The following MMP26 variants were observed in gnomAD, a reference collection of about 807,000 sequenced individuals.
MMP26 encodes the protein matrix metallopeptidase 26.
A neutral mutation model predicts 31.0 loss-of-function variants in MMP26; 33 were observed. That is an observed-to-expected ratio of 1.06 (90% CI 0.81 to 1.42). The LOEUF (loss-of-function observed/expected upper bound fraction) is 1.42, where lower values mean the gene tolerates loss of function less well. Ranked by LOEUF, MMP26 falls within the 40% of genes most tolerant of loss-of-function variation. MMP26 has a pLI of 0.00. For synonymous variants in MMP26, 122 were observed against 114.9 expected (o/e 1.06, Z -0.40); for missense variants, 347 against 316.1 (o/e 1.10, Z -0.74).
chr11:4,855,186 C>T (rs1850032543), intron 2 of MMP26, among the ~76,000 whole-genome samples: 1 of 152,174 alleles, frequency 6.6e-6, no homozygotes, highest in African/African-American at 2.4e-5. Context: ...CAGCTCCTCA[C>T]CAGCAGTACA....
chr11:4,826,613 G>T lies in MMP26; in HGVS notation c.-145+59272G>T, dbSNP rs536252494. ...AAAAATCATGATTTGTAGGAGTCTG[G>T]TTGGCAAACCACAATAAAACCAGGA... On this transcript the variant is annotated intron_variant, in intron 2 of 7. Coordinates refer to ENST00000380390, the MANE Select transcript of MMP26 (RefSeq NM_021801.5). 1.6e-4 allele frequency among the ~76,000 whole-genome samples: 24 copies of T among 152,180 alleles called. No homozygotes were observed. In the East Asian group the frequency reaches 3.9e-3, roughly 25 times the overall value.
chr11:4,748,752 G>GA (rs201537557), intron 1 of MMP26, among the ~76,000 whole-genome samples: 245 of 151,766 alleles, frequency 1.6e-3, no homozygotes, highest in Non-Finnish European at 3.1e-3. Flanking sequence ...ATGAGTTCGT[G>GA]AAAAAAACCC....
intron 2 of MMP26, among the ~76,000 whole-genome samples, chr11:4,779,326 CTTTAT>C (rs1848828993): frequency 6.6e-6 from 1 of 151,882 alleles, no homozygotes; most frequent in South Asian, 2.1e-4. Context: ...TAGTTTTTCT[CTTTAT>C]TTTATTAATG....
chr11:4,769,362 C>T (rs1473683587), intron 2 of MMP26: 3 of 1,613,952 alleles, frequency 1.9e-6, no homozygotes, highest in Middle Eastern at 1.6e-4. Flanking sequence ...AATTGAATCA[C>T]ATCTGGATGG....
At chr11:4,779,825 A>AGT (rs1189790299) in intron 2 of MMP26, among the ~76,000 whole-genome samples, 1 of 152,122 alleles carries the variant, frequency 6.6e-6, no homozygotes, top group Non-Finnish European at 1.5e-5. Flanking sequence ...CTTAAGACAC[A>AGT]GAGCATTACT....
At chr11:4,874,418 C>G (rs980254439) in intron 2 of MMP26, among the ~76,000 whole-genome samples, 20 of 151,974 alleles carry the variant, frequency 1.3e-4, no homozygotes, top group Non-Finnish European at 2.9e-5. Context: ...TTGCTCCTTT[C>G]TATGACCAAG....
At chr11:4,918,064 C>G (rs541910040) in intron 2 of MMP26, among the ~76,000 whole-genome samples, 8 of 151,824 alleles carry the variant, frequency 5.3e-5, no homozygotes, top group Non-Finnish European at 8.8e-5. Context: ...AGGGACATTC[C>G]AAAAATCACC....
intron 2 of MMP26, among the ~76,000 whole-genome samples, chr11:4,851,550 T>C (rs1175985037): frequency 6.6e-6 from 1 of 152,148 alleles, no homozygotes; most frequent in Non-Finnish European, 1.5e-5. Flanking sequence ...TAATTTTCCC[T>C]AAATTTCCTT....
At chr11:4,783,326 A>G (rs1848890925) in intron 2 of MMP26, among the ~76,000 whole-genome samples, 1 of 152,186 alleles carries the variant, frequency 6.6e-6, no homozygotes, top group Non-Finnish European at 1.5e-5. Context: ...TTGGAGATTT[A>G]AGATTTGAAT....
chr11:4,791,282 C>G (rs896250365), intron 2 of MMP26, among the ~76,000 whole-genome samples: 1 of 152,194 alleles, frequency 6.6e-6, no homozygotes, highest in South Asian at 2.1e-4. Flanking sequence ...GGCAGCTGGG[C>G]TCATTCTTTG....
rs201054695 is a variant in MMP26 at position 4,954,053 on chromosome 11, C to CA, written c.-144-34007dup. Among the ~76,000 whole-genome samples, 3 of 124,966 alleles carry CA rather than the reference C, an allele frequency of 2.4e-5. 1 individual carries two copies. Among genetic ancestry groups the CA allele is most frequent in the Non-Finnish European group, 5.4e-5 (3 of 55,164 alleles). 82.0% of individuals were successfully genotyped at this position (124,966 alleles called of 152,430 possible). On this transcript the variant is annotated intron_variant, in intron 2 of 7. Transcript: ENST00000380390. ...TGGGCTACAGAGCAAGATTTCGTCT[C>CA]AAAAAAAATTTCTTTATTGATTTAA...
Position 4,907,095 on chromosome 11 carries a change from T to TAA in MMP26, c.-144-80954_-144-80953dup, listed in dbSNP as rs3065178. Among the ~76,000 whole-genome samples, 275 of 55,128 alleles carry TAA rather than the reference T, an allele frequency of 5.0e-3. 24 individuals carry two copies. The highest frequency in any genetic ancestry group is 0.021 in the Middle Eastern group (2 of 96). The allele number at this position is 55,128 out of a possible 152,430, so 36.2% of individuals were successfully genotyped here. ...TGGGCAACAAGAGCAAAACTCCCTCTAAAAAAAAAAAAAAAAAAAATCCTA... is the reference window on the plus strand; with the variant it reads ...TGGGCAACAAGAGCAAAACTCCCTCTAAAAAAAAAAAAAAAAAAAAAATCCTA... On this transcript the variant is annotated intron_variant, in intron 2 of 7. Transcript: ENST00000380390.
rs201326207 is a variant in MMP26 at position 4,950,684 on chromosome 11, A to T, written c.-144-37384A>T. ...AAATTTCTAATGTTCTCATCAAAAA[A>T]AAATATTATTATTATATATATCTGA... On this transcript the variant is annotated intron_variant, in intron 2 of 7. Coordinates refer to ENST00000380390, the MANE Select transcript of MMP26 (RefSeq NM_021801.5). Among the ~76,000 whole-genome samples, 4 of 121,374 alleles carry T rather than the reference A, an allele frequency of 3.3e-5. 2 individuals carry two copies. Among genetic ancestry groups the T allele is most frequent in the Non-Finnish European group, 3.7e-5 (2 of 53,796 alleles). 79.6% of individuals were successfully genotyped at this position (121,374 alleles called of 152,430 possible). A position where few individuals can be genotyped will look rare whatever the true frequency, so the allele number is the denominator to read the frequency against.
intron 1 of MMP26, among the ~76,000 whole-genome samples, chr11:4,708,190 C>T (rs1181941121): frequency 6.6e-6 from 1 of 152,192 alleles, no homozygotes; most frequent in Non-Finnish European, 1.5e-5. Context: ...TATCTTCCAA[C>T]TGAGATCCAA....
intron 2 of MMP26, chr11:4,944,185 G>A (rs1361788043): frequency 4.7e-6 from 2 of 422,828 alleles, no homozygotes; most frequent in Non-Finnish European, 9.2e-6. Flanking sequence ...CTGATGATAG[G>A]ATTTTCTACA....
intron 2 of MMP26, among the ~76,000 whole-genome samples, chr11:4,824,536 A>G (rs1019171357): frequency 7.2e-5 from 11 of 152,124 alleles, no homozygotes; most frequent in Non-Finnish European, 1.2e-4. Flanking sequence ...CTGACCTTTG[A>G]AATGAACCAG....
chr11:4,905,854 CT>C (rs1296725577), intron 2 of MMP26, among the ~76,000 whole-genome samples: 7 of 152,066 alleles, frequency 4.6e-5, no homozygotes, highest in South Asian at 4.2e-4. Context: ...AACTTGTATG[CT>C]TTTTAAAAGA....
intron 2 of MMP26, among the ~76,000 whole-genome samples, chr11:4,932,679 T>C (rs1174260045): frequency 6.6e-6 from 1 of 152,114 alleles, no homozygotes; most frequent in African/African-American, 2.4e-5. Flanking sequence ...AGATATATAA[T>C]TGTTGTTGTT....
intron 2 of MMP26, chr11:4,882,803 C>A: frequency 6.2e-7 from 1 of 1,613,826 alleles, no homozygotes. Flanking sequence ...CAAGACAATC[C>A]GCCAGGCTAT....
Sources: allele counts gnomAD v4.1 joint callset (sites outside exome capture counted in the v4.1 genomes callset), GRCh38; gene constraint gnomAD v4.1.1; transcripts MANE v1.5; gene names NCBI Gene and HGNC (gene_info 2026-07-23, HGNC 2026-07-21).